Variants in CCNT1 observed in about 807,000 individuals in gnomAD.
CCNT1 encodes the protein cyclin-T1.
In CCNT1, 18 loss-of-function variants were observed where a neutral mutation model predicts 67.3. That is an observed-to-expected ratio of 0.27 (90% confidence interval 0.18 to 0.40). The LOEUF (loss-of-function observed/expected upper bound fraction) is 0.40, where lower values mean the gene tolerates loss of function less well. Among genes scored for constraint, CCNT1 ranks in the 10% least tolerant of loss-of-function variants. The pLI, the probability that CCNT1 is intolerant of heterozygous loss-of-function variation, is 1.00. For missense variants in CCNT1, 744 were observed against 884.9 expected (o/e 0.84, Z 2.02); for synonymous variants, 333 against 310.3 (o/e 1.07, Z -0.77).
chr12:48,704,557 T>G (rs1940324970), intron 3 of CCNT1, among the ~76,000 whole-genome samples: 1 of 152,160 alleles, frequency 6.6e-6, no homozygotes, highest in Non-Finnish European at 1.5e-5. Flanking sequence ...ATGCCTGTAA[T>G]CCCACCACTG....
At position 48,694,361 on chromosome 12, in the gene CCNT1, T is replaced by C; in HGVS notation, c.853A>G (p.Asn285Asp). Residue 285 changes from asparagine to aspartate, a missense_variant, in exon 9 of 9, where the codon AAT (asparagine) becomes GAT (aspartate). Physicochemically the swap from Asn to Asp is conservative, Grantham distance 23 (BLOSUM62 1). Transcript: ENST00000261900. ...TCTGAAGAGCTCTGGGAAATCATAT[T>C]GAGGATTGTCTGCTCTGAAGTCTTT... is the stretch of plus-strand genomic sequence containing the variant. ...DEKTSEQTIL[N>D]MISQSSSDTT... 1 of 1,614,224 alleles carries C rather than the reference T, an allele frequency of 6.2e-7. No homozygotes were observed. The highest frequency in any genetic ancestry group is 8.5e-7 in the Non-Finnish European group (1 of 1,180,038).
At chr12:48,702,134 T>C (rs575912211) in intron 3 of CCNT1, among the ~76,000 whole-genome samples, 5 of 152,040 alleles carry the variant, frequency 3.3e-5, no homozygotes, top group Non-Finnish European at 7.4e-5. Flanking sequence ...TGACCTCAGG[T>C]GATCCACCCG....
intron 6 of CCNT1, among the ~76,000 whole-genome samples, chr12:48,697,522 T>TAAAAAAAA (rs1205232506): frequency 1.7e-5 from 2 of 116,786 alleles, no homozygotes; most frequent in African/African-American, 3.4e-5. Flanking sequence ...GACTCTGTCT[T>TAAAAAAAA]AAAAAAAAAA....
chr12:48,694,135 A>C lies in CCNT1; in HGVS notation c.1079T>G (p.Val360Gly). Residue 360 changes from valine (V) to glycine (G), a missense_variant, in exon 9 of 9, where the codon GTT becomes GGT. This residue lies in a region of CCNT1 where 564 missense variants were observed against 574.2 expected (regional missense o/e 0.98). Coordinates refer to ENST00000261900, the MANE Select transcript of CCNT1 (RefSeq NM_001240.4). ...ACCATCCTGTGGTAAGGAATGATCA[A>C]CTCCTGTAAGTGCTAAATTCTCACT... ...RTSENLALTG[V>G]DHSLPQDGSN... is the part of the protein sequence containing the mutation. 6.2e-7 allele frequency: 1 copy of C among 1,614,092 alleles called. No individual in the cohort carries two copies. Among genetic ancestry groups the C allele is most frequent in the Non-Finnish European group, 8.5e-7 (1 of 1,180,014 alleles).
chr12:48,689,695 A>G lies in CCNT1; in HGVS notation c.*3338T>C, dbSNP rs1592115177. 6.6e-6 allele frequency: 1 copy of G among 152,228 alleles called. No homozygotes were observed. Among genetic ancestry groups the G allele is most frequent in the African/African-American group, 2.4e-5 (1 of 41,460 alleles). The allele number at this position is 152,228 out of a possible 1,614,324, so 9.4% of individuals were successfully genotyped here. On this transcript the variant is annotated 3_prime_UTR_variant, in exon 9 of 9. Transcript: ENST00000261900. ...TTGTAAATATTAATCAGTTCCCAAAATAACGGAAACACAGATATGTTTAAA... is the reference window on the plus strand; with the variant it reads ...TTGTAAATATTAATCAGTTCCCAAAGTAACGGAAACACAGATATGTTTAAA...
chr12:48,716,011 A>C (rs1940527492), intron 1 of CCNT1, among the ~76,000 whole-genome samples: 1 of 152,234 alleles, frequency 6.6e-6, no homozygotes, highest in African/African-American at 2.4e-5. Context: ...CAAAAATTTG[A>C]GAGGTCACTT....
In CCNT1 at chr12:48,694,242, G is replaced by T; in HGVS notation, c.972C>A (p.Thr324=). The change falls in exon 9 of 9, where the codon ACC becomes ACA. Residue 324 remains threonine, a synonymous_variant. Transcript: ENST00000261900. ...PVSEESSSNL[T]SVEMLPGKRW... Reference sequence around the variant, plus strand: ...GCTTGCCCGGCAACATCTCCACACTGGTTAAGTTGCTGGATGACTCTTCGG... The same window carrying T: ...GCTTGCCCGGCAACATCTCCACACTTGTTAAGTTGCTGGATGACTCTTCGG... 6.2e-7 allele frequency: 1 copy of T among 1,614,212 alleles called. No homozygotes were observed. The highest frequency in any genetic ancestry group is 8.5e-7 in the Non-Finnish European group (1 of 1,180,038).
chr12:48,709,162 T>G (rs1940410634), intron 2 of CCNT1, among the ~76,000 whole-genome samples: 1 of 152,084 alleles, frequency 6.6e-6, no homozygotes, highest in African/African-American at 2.4e-5. Flanking sequence ...TATTAGAAAC[T>G]AAAAGTATGG....
At chr12:48,700,767 C>T (rs1199134659) in intron 4 of CCNT1, among the ~76,000 whole-genome samples, 1 of 152,038 alleles carries the variant, frequency 6.6e-6, no homozygotes, top group Non-Finnish European at 1.5e-5. Flanking sequence ...ACTTAAAAAG[C>T]AAATAACCCT....
intron 3 of CCNT1, among the ~76,000 whole-genome samples, chr12:48,704,347 G>C (rs1049061688): frequency 1.3e-5 from 2 of 152,228 alleles, no homozygotes; most frequent in Non-Finnish European, 2.9e-5. Flanking sequence ...CCTGAGCACT[G>C]CCTCTTGTCT....
At chr12:48,702,882 G>A (rs2137233964) in intron 3 of CCNT1, among the ~76,000 whole-genome samples, 1 of 152,242 alleles carries the variant, frequency 6.6e-6, no homozygotes, top group South Asian at 2.1e-4. Context: ...CACTTTGGGA[G>A]GCCAGTATGG....
intron 1 of CCNT1, among the ~76,000 whole-genome samples, chr12:48,714,807 T>A (rs946893098): frequency 6.6e-6 from 1 of 152,206 alleles, no homozygotes; most frequent in East Asian, 1.9e-4. Context: ...CAGATTTTTT[T>A]AAAAACTATA....
At chr12:48,706,739 T>C (rs970006100) in intron 2 of CCNT1, among the ~76,000 whole-genome samples, 7 of 152,198 alleles carry the variant, frequency 4.6e-5, no homozygotes, top group Admixed American at 3.9e-4. Context: ...TAAATAATTT[T>C]ACAGAATTTA....
chr12:48,715,254 C>A (rs554619978), intron 1 of CCNT1, among the ~76,000 whole-genome samples: 1 of 152,208 alleles, frequency 6.6e-6, no homozygotes, highest in African/African-American at 2.4e-5. Context: ...AACAAACTGG[C>A]GATAAAACAG....
chr12:48,709,616 A>G (rs1940417736), intron 2 of CCNT1, among the ~76,000 whole-genome samples: 1 of 152,210 alleles, frequency 6.6e-6, no homozygotes, highest in African/African-American at 2.4e-5. Flanking sequence ...AAGAAATCCA[A>G]AAAATAATAA....
At chr12:48,703,938 AAAG>A (rs932067061) in intron 3 of CCNT1, among the ~76,000 whole-genome samples, 1 of 152,230 alleles carries the variant, frequency 6.6e-6, no homozygotes, top group African/African-American at 2.4e-5. Context: ...AAAAAAAAAA[AAAG>A]AATATTTTTC....
At chr12:48,697,383 A>G (rs1044218806) in intron 6 of CCNT1, among the ~76,000 whole-genome samples, 1 of 151,494 alleles carries the variant, frequency 6.6e-6, no homozygotes, top group Non-Finnish European at 1.5e-5. Flanking sequence ...TTAGCGGGGC[A>G]TGGTGGCGCC....
intron 2 of CCNT1, among the ~76,000 whole-genome samples, chr12:48,711,232 T>C (rs1308505493): frequency 4.8e-5 from 7 of 145,258 alleles, no homozygotes; most frequent in East Asian, 2.1e-4. Context: ...ATACAAAAAT[T>C]AGCTGGGTGT....
rs753027417 is a variant in CCNT1 at position 48,693,079 on chromosome 12, G to C, written c.2135C>G (p.Pro712Arg). Residue 712 changes from proline to arginine, a missense_variant, in exon 9 of 9, where the codon CCT (proline) becomes CGT (arginine). Transcript: ENST00000261900. ...SGNTDKPRPP[P>R]LPSEPPPPLP... ...TGGTGGAGGAGGTTCTGATGGCAGA[G>C]GTGGTGGCCGGGGTTTGTCTGTATT... 3 of 1,613,458 alleles carry C rather than the reference G, an allele frequency of 1.9e-6. No individual in the cohort carries two copies. Among genetic ancestry groups the C allele is most frequent in the Non-Finnish European group, 1.7e-6 (2 of 1,179,496 alleles).
Sources: allele counts gnomAD v4.1 joint callset (sites outside exome capture counted in the v4.1 genomes callset), GRCh38; gene constraint gnomAD v4.1.1; regional missense constraint gnomAD v4.1.1; transcripts MANE v1.5; gene names NCBI Gene and HGNC (gene_info 2026-07-23, HGNC 2026-07-21).